Variants in GBF1 observed in about 807,000 individuals in gnomAD.
GBF1 encodes golgi brefeldin A resistant guanine nucleotide exchange factor 1, also known as Golgi-specific brefeldin A-resistance guanine nucleotide exchange factor 1.
Under a neutral mutation model 210.5 loss-of-function variants are expected in GBF1, and 114 were observed. The observed-to-expected ratio is 0.54, with a 90% CI of 0.47 to 0.63. The LOEUF is 0.63. Ranked by LOEUF, GBF1 falls within the 30% of genes least tolerant of loss-of-function variation. The probability of loss-of-function intolerance (pLI) is 0.00; values close to 1 mark genes in which losing one functional copy is unlikely to be tolerated. For missense variants in GBF1, 1,851 were observed against 2,357.7 expected (o/e 0.79, Z 4.45); for synonymous variants, 850 against 889.2 (o/e 0.96, Z 0.78).
intron 3 of GBF1, among the ~76,000 whole-genome samples, chr10:102,337,823 C>G (rs1387392491): frequency 6.6e-6 from 1 of 152,132 alleles, no homozygotes; most frequent in Non-Finnish European, 1.5e-5. Flanking sequence ...CACCACTGCA[C>G]TCCAGCCTGG....
intron 6 of GBF1, 110 bp downstream of exon 6, chr10:102,352,061 C>A: frequency 1.4e-6 from 1 of 717,164 alleles, no homozygotes; most frequent in Admixed American, 2.0e-5. Flanking sequence ...TCTCCATCAT[C>A]TATCTCATGC....
At chr10:102,277,576 G>A (rs61874855) in intron 3 of GBF1, among the ~76,000 whole-genome samples, 11,807 of 151,806 alleles carry the variant, frequency 0.078, 531 homozygotes, top group African/African-American at 0.12. Context: ...ACAGGGTTTC[G>A]CCATGATGGC....
chr10:102,232,238 G>A, the GBF1 span: 1 of 627,716 alleles, frequency 1.6e-6, no homozygotes, highest in Admixed American at 2.5e-5. Flanking sequence ...CCTTAGGATA[G>A]AATCGGGAAA....
intron 3 of GBF1, among the ~76,000 whole-genome samples, chr10:102,299,839 C>T (rs1340127413): frequency 6.6e-6 from 1 of 152,106 alleles, no homozygotes; most frequent in Non-Finnish European, 1.5e-5. Flanking sequence ...CCTACACATA[C>T]CTGTGTACTA....
At chr10:102,235,190 G>A in the GBF1 span, among the ~76,000 whole-genome samples, 84 of 59,660 alleles carry the variant, frequency 1.4e-3, no homozygotes, top group Non-Finnish European at 1.7e-3. Context: ...CCCCCCCACC[G>A]CCTCCCTGGC....
At chr10:102,344,625 C>T (rs548760041) in intron 4 of GBF1, among the ~76,000 whole-genome samples, 4 of 152,020 alleles carry the variant, frequency 2.6e-5, no homozygotes, top group South Asian at 4.2e-4. Context: ...GGACTACAGG[C>T]GCCCACCACC....
intron 3 of GBF1, among the ~76,000 whole-genome samples, chr10:102,320,351 A>G: frequency 6.6e-6 from 1 of 150,584 alleles, no homozygotes; most frequent in Non-Finnish European, 1.5e-5. Flanking sequence ...TATCCTCATT[A>G]TTCTGAAACA....
intron 3 of GBF1, among the ~76,000 whole-genome samples, chr10:102,318,091 G>C (rs899416062): frequency 6.6e-6 from 1 of 151,666 alleles, no homozygotes; most frequent in Non-Finnish European, 1.5e-5. Flanking sequence ...TGTATTTTTA[G>C]TAGAGACAAG....
rs74479280 is a variant in GBF1 at position 102,320,196 on chromosome 10, A to G, written c.164-23855A>G. Among the ~76,000 whole-genome samples the G allele has an allele frequency of 4.9e-3, 749 of 152,318 alleles. 6 individuals are homozygous for G. Among genetic ancestry groups the G allele is most frequent in the African/African-American group, 0.017 (720 of 41,562 alleles). On this transcript the variant is annotated intron_variant, in intron 3 of 39. Transcript: ENST00000369983. The stretch of plus-strand genomic sequence containing the variant: ...ACTAATTGAAGGTTTTACCGGATAT[A>G]GAATTCTAGTTTGGAAATAGTTTTC...
At position 102,377,142 on chromosome 10, in the gene GBF1, T is replaced by G. The variant is rs750526946; in HGVS notation, c.4494+2T>G. 1.9e-6 allele frequency: 3 copies of G among 1,610,732 alleles called. No homozygotes were observed. Among genetic ancestry groups the G allele is most frequent in the Non-Finnish European group, 2.5e-6 (3 of 1,177,198 alleles). On this transcript the variant is annotated splice_donor_variant, in intron 33 of 39. Transcript: ENST00000369983. LOFTEE classifies it high-confidence loss of function. Reference sequence around the variant, plus strand: ...GTGTCTTTACAGGTCAGTCAGGACGTAAGTATGGCACCCTTTACTTCCTCT... The same window carrying G: ...GTGTCTTTACAGGTCAGTCAGGACGGAAGTATGGCACCCTTTACTTCCTCT...
the GBF1 span, among the ~76,000 whole-genome samples, chr10:102,234,152 G>A: frequency 6.6e-6 from 1 of 152,170 alleles, no homozygotes; most frequent in Non-Finnish European, 1.5e-5. Flanking sequence ...GTGTCACTTG[G>A]CTGCTCTGGA....
intron 13 of GBF1, 112 bp downstream of exon 13, chr10:102,361,232 T>G: frequency 1.4e-6 from 1 of 713,380 alleles, no homozygotes; most frequent in East Asian, 2.5e-5. Context: ...GGACTTCCTA[T>G]AGGAGAGTCC....
intron 3 of GBF1, among the ~76,000 whole-genome samples, chr10:102,276,362 TA>T (rs553221399): frequency 1.3e-5 from 2 of 151,596 alleles, no homozygotes; most frequent in Admixed American, 6.6e-5. Context: ...CCGTCTCTAC[TA>T]AAAAAACAAA....
In GBF1 at chr10:102,372,032, G is replaced by T. The variant is rs183541455; in HGVS notation, c.3660+1172G>T. Among the ~76,000 whole-genome samples the T allele has an allele frequency of 4.1e-3, 616 of 151,320 alleles. 8 individuals carry two copies. The highest frequency in any genetic ancestry group is 0.031 in the Admixed American group (473 of 15,190). On this transcript the variant is annotated intron_variant, in intron 29 of 39. Coordinates refer to ENST00000369983, the MANE Select transcript of GBF1 (RefSeq NM_001377137.1). ...GGAGATCAAGACCAGCCTGACTAAC[G>T]TGGTGAAACCCCGTCTCTACTAAAA...
At chr10:102,243,622 C>A (rs911845329), upstream of GBF1, among the ~76,000 whole-genome samples, 2 of 152,114 alleles carry the variant, frequency 1.3e-5, no homozygotes, top group African/African-American at 4.8e-5. Context: ...CTGAGACAGG[C>A]CCAGGACACC....
chr10:102,358,016 C>G, intron 8 of GBF1, 23 bp from the exon 9 acceptor site: 1 of 1,520,144 alleles, frequency 6.6e-7, no homozygotes, highest in Non-Finnish European at 9.1e-7. Flanking sequence ...AATACCATTG[C>G]TAATGGGGTA....
At position 102,368,270 on chromosome 10, in the gene GBF1, T is replaced by G; in HGVS notation, c.2695T>G (p.Tyr899Asp). Reference protein sequence around the residue: ...EEQTGLVRENYVWNVLLHRGA... With the variant: ...EEQTGLVRENDVWNVLLHRGA... ...GCAGACAGGCTTGGTTCGGGAGAACTATGTGTGGAATGTGCTGCTTCATCG... is the reference window on the plus strand; with the variant it reads ...GCAGACAGGCTTGGTTCGGGAGAACGATGTGTGGAATGTGCTGCTTCATCG... Residue 899 changes from tyrosine to aspartate, a missense_variant, in exon 22 of 40, where the codon TAT becomes GAT. Transcript: ENST00000369983. 1 of 1,614,122 alleles carries G rather than the reference T, an allele frequency of 6.2e-7. No homozygotes were observed.
At chr10:102,280,501 T>G (rs2075388889) in intron 3 of GBF1, among the ~76,000 whole-genome samples, 2 of 152,130 alleles carry the variant, frequency 1.3e-5, no homozygotes, top group South Asian at 4.1e-4. Context: ...TAAGTGATGT[T>G]TTTTGGCTTG....
intron 4 of GBF1, 143 bp downstream of exon 4, chr10:102,344,325 T>C (rs2058389664): frequency 1.4e-6 from 1 of 732,936 alleles, no homozygotes; most frequent in African/African-American, 1.7e-5. Flanking sequence ...ATAGGATTGT[T>C]GTTGGTTATT....
Sources: allele counts gnomAD v4.1 joint callset (sites outside exome capture counted in the v4.1 genomes callset), GRCh38; gene constraint gnomAD v4.1.1; transcripts MANE v1.5; gene names NCBI Gene and HGNC (gene_info 2026-07-23, HGNC 2026-07-21).